SSH2: variants seen among roughly 807,000 people sequenced by gnomAD.
The protein encoded by SSH2 is protein phosphatase Slingshot homolog 2.
In SSH2, 37 loss-of-function variants were observed where a neutral mutation model predicts 135.2. The ratio of observed to expected loss-of-function variants is 0.27; its 90% CI spans 0.21 to 0.36. The LOEUF (loss-of-function observed/expected upper bound fraction) is 0.36, where lower values mean the gene tolerates loss of function less well. Ranked by LOEUF, SSH2 falls within the 10% of genes least tolerant of loss-of-function variation. The pLI, the probability that SSH2 is intolerant of heterozygous loss-of-function variation, is 1.00. For synonymous variants in SSH2, 628 were observed against 646.2 expected, an observed-to-expected ratio of 0.97 and a Z score of 0.43; for missense variants, 1,408 against 1,765.3, an observed-to-expected ratio of 0.80 and a Z score of 3.63.
intron 3 of SSH2, among the ~76,000 whole-genome samples, chr17:29,779,014 GT>G (rs1195064874): frequency 6.6e-6 from 1 of 151,684 alleles, no homozygotes; most frequent in Non-Finnish European, 1.5e-5. Context: ...CTTTACTTTT[GT>G]TTTTCTTATA....
intron 9 of SSH2, among the ~76,000 whole-genome samples, chr17:29,669,626 C>T (rs1386090984): frequency 6.6e-6 from 1 of 152,006 alleles, no homozygotes; most frequent in East Asian, 1.9e-4. Context: ...ATCCCTCTAC[C>T]CAGAGATAAT....
intron 3 of SSH2, among the ~76,000 whole-genome samples, chr17:29,733,913 T>TC (rs1455866940): frequency 2.4e-4 from 35 of 147,736 alleles, no homozygotes; most frequent in African/African-American, 6.2e-4. Context: ...TTTCTTTCTT[T>TC]TTTTTTTTTT....
intron 1 of SSH2, among the ~76,000 whole-genome samples, chr17:29,905,117 C>T (rs988862519): frequency 4.6e-5 from 7 of 152,144 alleles, no homozygotes; most frequent in Admixed American, 1.3e-4. Context: ...CTATCATTGA[C>T]ATTCTTCACA....
chr17:29,690,974 A>C (rs73280653), intron 5 of SSH2, among the ~76,000 whole-genome samples: 2,241 of 151,996 alleles, frequency 0.015, 58 homozygotes, highest in African/African-American at 0.05. Flanking sequence ...TCTCTCTCTC[A>C]TATATACATA....
chr17:29,899,883 G>A (rs2066514848), intron 1 of SSH2, among the ~76,000 whole-genome samples: 1 of 151,984 alleles, frequency 6.6e-6, no homozygotes. Context: ...TTCAAACTAT[G>A]CTACAAGGCT....
intron 11 of SSH2, among the ~76,000 whole-genome samples, 184 bp downstream of exon 11, chr17:29,666,683 A>ACACG (rs1206606367): frequency 6.6e-6 from 1 of 152,250 alleles, no homozygotes; most frequent in East Asian, 1.9e-4. Flanking sequence ...ACTGTCACAC[A>ACACG]CACGCACACA....
At chr17:29,779,419 T>G (rs1220788605) in intron 3 of SSH2, among the ~76,000 whole-genome samples, 1 of 152,078 alleles carries the variant, frequency 6.6e-6, no homozygotes, top group Non-Finnish European at 1.5e-5. Context: ...AGAAGACAGC[T>G]CACCACACCC....
chr17:29,788,940 T>C (rs2042017506), intron 3 of SSH2, among the ~76,000 whole-genome samples: 1 of 152,182 alleles, frequency 6.6e-6, no homozygotes, highest in Admixed American at 6.5e-5. Flanking sequence ...AACAGAATAT[T>C]TGTAGAAATA....
At chr17:29,741,219 T>C (rs1163989696) in intron 3 of SSH2, among the ~76,000 whole-genome samples, 1 of 152,180 alleles carries the variant, frequency 6.6e-6, no homozygotes, top group Non-Finnish European at 1.5e-5. Context: ...TCAGAAGCAT[T>C]AGAAATATGA....
intron 3 of SSH2, among the ~76,000 whole-genome samples, chr17:29,774,576 T>A (rs2041656415): frequency 6.6e-6 from 1 of 152,194 alleles, no homozygotes; most frequent in African/African-American, 2.4e-5. Flanking sequence ...ATTAATTTTT[T>A]AAAGTTTCCT....
At chr17:29,741,655 G>A (rs559715938) in intron 3 of SSH2, among the ~76,000 whole-genome samples, 8 of 123,710 alleles carry the variant, frequency 6.5e-5, no homozygotes, top group African/African-American at 2.5e-4. Context: ...TGTTCTTCTT[G>A]CCCAGGCTGG....
At chr17:29,726,847 T>C (rs1368539243) in intron 3 of SSH2, among the ~76,000 whole-genome samples, 1 of 152,190 alleles carries the variant, frequency 6.6e-6, no homozygotes, top group Non-Finnish European at 1.5e-5. Flanking sequence ...CCATCTGCCT[T>C]TGCCCAAACT....
At chr17:29,688,008 G>GTTTTTTT (rs201740279) in intron 5 of SSH2, among the ~76,000 whole-genome samples, 1 of 147,518 alleles carries the variant, frequency 6.8e-6, no homozygotes. Flanking sequence ...AAACATTAGT[G>GTTTTTTT]TTTTTTTTTT....
At chr17:29,896,943 G>T (rs997782027) in intron 1 of SSH2, among the ~76,000 whole-genome samples, 3 of 151,648 alleles carry the variant, frequency 2.0e-5, no homozygotes, top group African/African-American at 7.3e-5. Flanking sequence ...AACAAGAAAG[G>T]TTCCTGACCT....
intron 1 of SSH2, among the ~76,000 whole-genome samples, chr17:29,878,140 C>G (rs992594053): frequency 6.6e-6 from 1 of 151,886 alleles, no homozygotes; most frequent in African/African-American, 2.4e-5. Flanking sequence ...TTTAAAAGAA[C>G]AAAGAGGCCG....
intron 3 of SSH2, among the ~76,000 whole-genome samples, chr17:29,711,603 C>CT (rs765290245): frequency 2.0e-5 from 3 of 152,252 alleles, no homozygotes; most frequent in Non-Finnish European, 2.9e-5. Flanking sequence ...ATAGATTTAT[C>CT]TTTTTCAATA....
At chr17:29,740,686 G>T (rs888612338) in intron 3 of SSH2, among the ~76,000 whole-genome samples, 6 of 152,058 alleles carry the variant, frequency 3.9e-5, no homozygotes, top group Non-Finnish European at 8.8e-5. Flanking sequence ...AATAAGGGCA[G>T]GAAATGCTAA....
chr17:29,887,250 C>A (rs1013381451), intron 1 of SSH2, among the ~76,000 whole-genome samples: 2 of 152,090 alleles, frequency 1.3e-5, no homozygotes, highest in African/African-American at 4.8e-5. Context: ...AAAAAAAAAT[C>A]TTGGAGCAGG....
At chr17:29,911,741 T>C (rs1380239087) in intron 1 of SSH2, among the ~76,000 whole-genome samples, 1 of 152,224 alleles carries the variant, frequency 6.6e-6, no homozygotes, top group Admixed American at 6.5e-5. Context: ...TTCAACTTCC[T>C]TGGCCATATA....
Sources: allele counts gnomAD v4.1 joint callset (sites outside exome capture counted in the v4.1 genomes callset), GRCh38; gene constraint gnomAD v4.1.1; transcripts MANE v1.5; gene names NCBI Gene and HGNC (gene_info 2026-07-23, HGNC 2026-07-21).